TSEN54: variants seen among roughly 807,000 people sequenced by gnomAD.
TSEN54 encodes tRNA splicing endonuclease subunit 54, also known as tRNA-splicing endonuclease subunit Sen54.
A neutral mutation model predicts 61.9 loss-of-function variants in TSEN54; 55 were observed. That is an observed-to-expected ratio of 0.89 (90% CI 0.72 to 1.11). TSEN54 has a LOEUF of 1.11. TSEN54 is among the 50% of genes most tolerant of loss of function. TSEN54 has a pLI of 0.00. For synonymous variants in TSEN54, 304 were observed against 288.7 expected, an observed-to-expected ratio of 1.05 and a Z score of -0.54; for missense variants, 760 against 687.7, an observed-to-expected ratio of 1.11 and a Z score of -1.18.
At chr17:75,523,505 G>C in intron 9 of TSEN54, 158 bp from the exon 10 acceptor site, 1 of 1,599,018 alleles carries the variant, frequency 6.3e-7, no homozygotes, top group Non-Finnish European at 8.5e-7. Flanking sequence ...GGAAGAGGGA[G>C]AATAACCAGT....
intron 8 of TSEN54, 165 bp downstream of exon 8, chr17:75,522,498 C>T: frequency 2.7e-6 from 4 of 1,488,078 alleles, no homozygotes; most frequent in Non-Finnish European, 3.6e-6. Flanking sequence ...TGCAGCAGGG[C>T]CTGTGTGGGA....
chr17:75,518,912 T>G (rs2053400317), intron 5 of TSEN54, 83 bp from the exon 6 acceptor site: 2 of 1,604,354 alleles, frequency 1.2e-6, no homozygotes, highest in Non-Finnish European at 1.7e-6. Context: ...GAGAGGGCTG[T>G]GGGGATGGCC....
intron 6 of TSEN54, 38 bp from the exon 7 acceptor site, chr17:75,521,371 G>C: frequency 6.4e-7 from 1 of 1,550,734 alleles, no homozygotes; most frequent in Non-Finnish European, 8.9e-7. Context: ...AGGCTGAGGA[G>C]GTGGGTCAGT....
rs1309340118 is a variant in TSEN54 at position 75,521,428 on chromosome 17, G to A, written c.541G>A (p.Glu181Lys). 1 of 1,614,106 alleles carries A rather than the reference G, an allele frequency of 6.2e-7. No homozygotes were observed. The highest frequency in any genetic ancestry group is 1.7e-5 in the Admixed American group (1 of 60,026). The change falls in exon 7 of 11, where the codon GAG (glutamate) becomes AAG (lysine). Residue 181 changes from glutamate (E) to lysine (K), a missense_variant. Physicochemically the swap from Glu to Lys is moderately conservative, Grantham distance 56. Coordinates refer to ENST00000333213, the MANE Select transcript of TSEN54 (RefSeq NM_207346.3). ...CCACAGCTCTGTCCTGTCCCCGTAT[G>A]AGAGGCAGCTTAACCTGGATGCCAG... ...FQPSSVLSPY[E>K]RQLNLDASVQ...
At chr17:75,517,103 C>CGGA in intron 3 of TSEN54, 31 bp downstream of exon 3, 1 of 1,095,594 alleles carries the variant, frequency 9.1e-7, no homozygotes, top group Non-Finnish European at 1.2e-6. Flanking sequence ...CCGGGGACCG[C>CGGA]CCTCCCTGCC....
At position 75,523,785 on chromosome 17, in the gene TSEN54, C is replaced by T. The variant is rs759824476; in HGVS notation, c.1430+6C>T. ...GCCCGGATGTGCATTAGTGGGTACG[C>T]AGTGAGCCAGCACTGCCCCTCCCCC... On this transcript the variant is annotated splice_donor_region_variant and intron_variant, in intron 10 of 10. Coordinates refer to ENST00000333213, the MANE Select transcript of TSEN54 (RefSeq NM_207346.3). The T allele has an allele frequency of 3.1e-6, 5 of 1,613,092 alleles. No homozygotes were observed. The South Asian group carries it at 4.4e-5, about 14-fold the overall frequency.
At chr17:75,517,467 A>T in intron 4 of TSEN54, 90 bp from the exon 5 acceptor site, 1 of 1,247,138 alleles carries the variant, frequency 8.0e-7, no homozygotes, top group Non-Finnish European at 1.2e-6. Flanking sequence ...TGAGAGGGGG[A>T]GGGGGAGGTA....
chr17:75,520,217 G>A (rs1378106633), intron 6 of TSEN54, among the ~76,000 whole-genome samples: 1 of 152,170 alleles, frequency 6.6e-6, no homozygotes, highest in Non-Finnish European at 1.5e-5. Context: ...TCTAATACAT[G>A]GGGCTAGAGC....
Position 75,516,542 on chromosome 17 carries a change from A to C in TSEN54, c.-19A>C. The C allele has an allele frequency of 1.8e-6, 2 of 1,114,728 alleles. No individual in the cohort carries two copies. Among genetic ancestry groups the C allele is most frequent in the Non-Finnish European group, 2.2e-6 (2 of 915,502 alleles). The allele number at this position is 1,114,728 out of a possible 1,614,324, so 69.1% of individuals were successfully genotyped here. ...GTGGGCGGGGCGTGGCGGCGCGCGC[A>C]GCGGCAGGCGGCGGCGGGATGGAGC... is the stretch of plus-strand genomic sequence containing the variant. On this transcript the variant is annotated 5_prime_UTR_variant, in exon 1 of 11. Transcript: ENST00000333213.
chr17:75,524,416 C>A lies in TSEN54; in HGVS notation c.*4C>A. On this transcript the variant is annotated 3_prime_UTR_variant, in exon 11 of 11. Coordinates refer to ENST00000333213, the MANE Select transcript of TSEN54 (RefSeq NM_207346.3). ...GCCCCAGGATGTGGGGCACTGACCT[C>A]ACAGCTCTGCAGAGGATGGAGCTTG... 6.2e-7 allele frequency: 1 copy of A among 1,614,092 alleles called. No individual in the cohort carries two copies. The highest frequency in any genetic ancestry group is 8.5e-7 in the Non-Finnish European group (1 of 1,180,016).
At chr17:75,523,119 C>A in intron 8 of TSEN54, 156 bp from the exon 9 acceptor site, 1 of 919,172 alleles carries the variant, frequency 1.1e-6, no homozygotes, top group Non-Finnish European at 1.8e-6. Context: ...GCAGAGGTCA[C>A]AGTGAGCCAA....
chr17:75,516,927 C>T lies in TSEN54; in HGVS notation c.221+17C>T, dbSNP rs556041813. 8.5e-4 allele frequency: 1,315 copies of T among 1,544,332 alleles called. No individual in the cohort carries two copies. Among genetic ancestry groups the T allele is most frequent in the Non-Finnish European group, 1.1e-3 (1,254 of 1,146,002 alleles). On this transcript the variant is annotated intron_variant, in intron 2 of 10. Transcript: ENST00000333213. ...GGAGCGCCTGTGAGAGGGGCGGGCCCAGGGGTAAGGGAAGCGGGGGCGAGG... is the reference window on the plus strand; with the variant it reads ...GGAGCGCCTGTGAGAGGGGCGGGCCTAGGGGTAAGGGAAGCGGGGGCGAGG...
Position 75,521,980 on chromosome 17 carries a change from A to G in TSEN54, c.899A>G (p.Gln300Arg), listed in dbSNP as rs1830868649. ...GGTAAGCGGCGCTGGAACTTCGAGC[A>G]GATCTCCTTCCCCAACATGGCTTCA... ...GAGKRRWNFE[Q>R]ISFPNMASDS... Residue 300 changes from glutamine to arginine, a missense_variant, in exon 8 of 11, where the codon CAG (glutamine) becomes CGG (arginine). Around this residue, in one of 3 missense-constraint regions of TSEN54, gnomAD observed 667 missense variants for 577.8 expected, o/e 1.15. Coordinates refer to ENST00000333213, the MANE Select transcript of TSEN54 (RefSeq NM_207346.3). 2 of 1,607,346 alleles carry G rather than the reference A, an allele frequency of 1.2e-6. No homozygotes were observed. The highest frequency in any genetic ancestry group is 1.1e-5 in the South Asian group (1 of 90,314).
intron 10 of TSEN54, 25 bp downstream of exon 10, chr17:75,523,804 CT>C (rs1568005024): frequency 6.2e-7 from 1 of 1,609,472 alleles, no homozygotes; most frequent in East Asian, 2.2e-5. Flanking sequence ...AGCACTGCCC[CT>C]CCCCCAGCTG....
At position 75,519,005 on chromosome 17, in the gene TSEN54, A is replaced by T. The variant is rs2053401504; in HGVS notation, c.479A>T (p.His160Leu). ...VTFLQYQVFS[H>L]LKRLGYVVRR... ...TTTTTTTCTTTTGAGGTCTTCAGCCACCTGAAGAGGTTGGGTTATGTGGTT... is the reference window on the plus strand; with the variant it reads ...TTTTTTTCTTTTGAGGTCTTCAGCCTCCTGAAGAGGTTGGGTTATGTGGTT... The change falls in exon 6 of 11, where the codon CAC becomes CTC. Residue 160 changes from histidine to leucine, a missense_variant. By Grantham distance (99) the His-to-Leu change is moderately conservative. Around this residue, in one of 3 missense-constraint regions of TSEN54, gnomAD observed 667 missense variants for 577.8 expected, o/e 1.15. Coordinates refer to ENST00000333213, the MANE Select transcript of TSEN54 (RefSeq NM_207346.3). 1 of 1,613,252 alleles carries T rather than the reference A, an allele frequency of 6.2e-7. No individual in the cohort carries two copies. The highest frequency in any genetic ancestry group is 2.2e-5 in the East Asian group (1 of 44,850).
At chr17:75,523,253 C>T in intron 8 of TSEN54, 22 bp from the exon 9 acceptor site, 1 of 1,614,084 alleles carries the variant, frequency 6.2e-7, no homozygotes, top group Non-Finnish European at 8.5e-7. Flanking sequence ...TCCCCAGTAC[C>T]TTGTTTTCTG....
chr17:75,521,745 C>G lies in TSEN54; in HGVS notation c.664C>G (p.Gln222Glu). The change falls in exon 8 of 11, where the codon CAA becomes GAA. Residue 222 changes from glutamine to glutamate, a missense_variant. By Grantham distance (29) the Gln-to-Glu change is conservative (BLOSUM62 2). This residue lies in a region of TSEN54 where 667 missense variants were observed against 577.8 expected (regional missense o/e 1.15). Coordinates refer to ENST00000333213, the MANE Select transcript of TSEN54 (RefSeq NM_207346.3). ...GGCCAAGGCCCTGGACAACTCCCTG[C>G]AACCCAAGAGTCTGGCAGCCTCCAG... ...KKAKALDNSL[Q>E]PKSLAASSPP... 1 of 1,613,062 alleles carries G rather than the reference C, an allele frequency of 6.2e-7. No individual in the cohort carries two copies. The highest frequency in any genetic ancestry group is 1.1e-5 in the South Asian group (1 of 91,086).
At position 75,521,882 on chromosome 17, in the gene TSEN54, C is replaced by T. The variant is rs1053755132; in HGVS notation, c.801C>T (p.Ser267=). The T allele has an allele frequency of 5.0e-6, 8 of 1,610,238 alleles. No homozygotes were observed. Among genetic ancestry groups the T allele is most frequent in the Non-Finnish European group, 6.8e-6 (8 of 1,178,660 alleles). ...AGCTTCTGGGGTCCCTGGGCCCCAG[C>T]CCTGGCCCGGCCAGGGAGGGGGTGG... ...PFQLLGSLGP[S]PGPAREGVGC... is the part of the protein sequence containing the mutation. Residue 267 remains serine (S), a synonymous_variant, in exon 8 of 11, where the codon AGC becomes AGT. Transcript: ENST00000333213.
Position 75,522,429 on chromosome 17 carries a change from C to G in TSEN54, c.1252+96C>G. 4 of 1,527,006 alleles carry G rather than the reference C, an allele frequency of 2.6e-6. No individual in the cohort carries two copies. The South Asian group carries it at 4.8e-5, about 18-fold the overall frequency. 94.6% of individuals were successfully genotyped at this position (1,527,006 alleles called of 1,614,324 possible). On this transcript the variant is annotated intron_variant, in intron 8 of 10. Coordinates refer to ENST00000333213, the MANE Select transcript of TSEN54 (RefSeq NM_207346.3). Reference sequence around the variant, plus strand: ...ATGGATGAACTGGGATGGATTGAGGCTTAAGGAAGATGTGGGAGGAGGGAG... The same window carrying G: ...ATGGATGAACTGGGATGGATTGAGGGTTAAGGAAGATGTGGGAGGAGGGAG...
Sources: allele counts gnomAD v4.1 joint callset (sites outside exome capture counted in the v4.1 genomes callset), GRCh38; gene constraint gnomAD v4.1.1; regional missense constraint gnomAD v4.1.1; transcripts MANE v1.5; gene names NCBI Gene and HGNC (gene_info 2026-07-23, HGNC 2026-07-21).